The following C8orf34 variants were observed in gnomAD, a reference collection of about 807,000 sequenced individuals.
The protein encoded by C8orf34 is uncharacterized protein C8orf34.
C8orf34 carries 65 observed loss-of-function variants against 68.3 expected under a neutral mutation model. That is an observed-to-expected ratio of 0.95 (90% confidence interval 0.78 to 1.17). C8orf34 has a LOEUF of 1.17. Ranked by LOEUF, C8orf34 falls within the 50% of genes most tolerant of loss-of-function variation. The pLI is 0.00. For synonymous variants in C8orf34, 244 were observed against 241.2 expected, an observed-to-expected ratio of 1.01 and a Z score of -0.11; for missense variants, 664 against 655.4, an observed-to-expected ratio of 1.01 and a Z score of -0.14.
At chr8:68,785,217 AAAAT>A (rs1245964333) in intron 11 of C8orf34, among the ~76,000 whole-genome samples, 1 of 152,108 alleles carries the variant, frequency 6.6e-6, no homozygotes, top group Non-Finnish European at 1.5e-5. Flanking sequence ...AAAAAAAAAG[AAAAT>A]AAATAAATAA....
chr8:68,667,080 C>T (rs1198923908), intron 8 of C8orf34, among the ~76,000 whole-genome samples: 1 of 152,092 alleles, frequency 6.6e-6, no homozygotes, highest in Non-Finnish European at 1.5e-5. Flanking sequence ...GAAAAACCTT[C>T]TACAGCCAAA....
intron 1 of C8orf34, among the ~76,000 whole-genome samples, chr8:68,372,289 A>G (rs540470637): frequency 6.6e-6 from 1 of 152,306 alleles, no homozygotes; most frequent in South Asian, 2.1e-4. Flanking sequence ...AAAAACTGGG[A>G]TAACATGAGG....
chr8:68,715,390 T>C (rs573039422), intron 9 of C8orf34, among the ~76,000 whole-genome samples: 8 of 151,908 alleles, frequency 5.3e-5, no homozygotes, highest in Non-Finnish European at 1.2e-4. Flanking sequence ...ATGACTAATA[T>C]CCAGAATCTA....
chr8:68,490,786 A>G (rs1813278580), intron 5 of C8orf34, among the ~76,000 whole-genome samples: 1 of 152,138 alleles, frequency 6.6e-6, no homozygotes, highest in Non-Finnish European at 1.5e-5. Flanking sequence ...TTCCAGAGCC[A>G]TTGCCACCAT....
At chr8:68,445,447 T>C (rs1811080882) in intron 2 of C8orf34, among the ~76,000 whole-genome samples, 2 of 152,122 alleles carry the variant, frequency 1.3e-5, no homozygotes. Context: ...AGGAAAAAGA[T>C]TGTTCTGTAT....
At chr8:68,360,751 C>T (rs996580595) in intron 1 of C8orf34, among the ~76,000 whole-genome samples, 29 of 145,936 alleles carry the variant, frequency 2.0e-4, no homozygotes, top group African/African-American at 7.0e-4. Flanking sequence ...TCCTTTTCTT[C>T]CTTTCTTTTT....
intron 8 of C8orf34, among the ~76,000 whole-genome samples, chr8:68,702,424 A>C (rs569223760): frequency 6.6e-6 from 1 of 152,300 alleles, no homozygotes; most frequent in East Asian, 1.9e-4. Context: ...GCAAGACTGC[A>C]TCTGAATTTA....
chr8:68,428,416 G>A (rs942094893), intron 1 of C8orf34, among the ~76,000 whole-genome samples: 1 of 152,028 alleles, frequency 6.6e-6, no homozygotes, highest in Non-Finnish European at 1.5e-5. Flanking sequence ...TACAAGCCAT[G>A]CGTGATAACT....
At chr8:68,341,752 C>A (rs145538747) in intron 1 of C8orf34, among the ~76,000 whole-genome samples, 151 of 152,344 alleles carry the variant, frequency 9.9e-4, no homozygotes, top group Non-Finnish European at 1.0e-3. Flanking sequence ...ATGAGTAAAA[C>A]TCCCTGAGGC....
At chr8:68,468,349 G>A (rs1268793500) in intron 3 of C8orf34, among the ~76,000 whole-genome samples, 3 of 152,022 alleles carry the variant, frequency 2.0e-5, no homozygotes, top group Admixed American at 6.6e-5. Flanking sequence ...ACCAGTTGCT[G>A]TTGAGGGAGT....
In C8orf34 at chr8:68,684,805, T is replaced by A. The variant is rs187633573; in HGVS notation, c.1242-24189T>A. 6.2e-4 allele frequency among the ~76,000 whole-genome samples: 94 copies of A among 152,156 alleles called. 1 individual carries two copies. The highest frequency in any genetic ancestry group is 1.2e-3 in the East Asian group (6 of 5,170). On this transcript the variant is annotated intron_variant, in intron 8 of 13. Transcript: ENST00000518698. ...CTTATTAAAAAAAAAATATTTTTTT[T>A]AAAATTTCCCTTTTTGGTTTTATTT...
chr8:68,720,072 A>T (rs1821627002), intron 9 of C8orf34, among the ~76,000 whole-genome samples: 2 of 152,074 alleles, frequency 1.3e-5, no homozygotes, highest in East Asian at 3.9e-4. Context: ...CATTTGGTAT[A>T]ATTCTCCTGA....
intron 7 of C8orf34, among the ~76,000 whole-genome samples, chr8:68,567,882 A>G (rs1341857052): frequency 2.7e-5 from 4 of 150,758 alleles, no homozygotes; most frequent in African/African-American, 9.8e-5. Flanking sequence ...GGCTTTCTAC[A>G]TGCCTTCCTC....
intron 3 of C8orf34, among the ~76,000 whole-genome samples, chr8:68,464,328 T>C (rs1436368385): frequency 6.6e-6 from 1 of 152,188 alleles, no homozygotes; most frequent in Non-Finnish European, 1.5e-5. Flanking sequence ...GAATATTCCA[T>C]GCTCATGGGT....
At chr8:68,441,055 T>C (rs1024374566) in intron 2 of C8orf34, among the ~76,000 whole-genome samples, 4 of 152,102 alleles carry the variant, frequency 2.6e-5, no homozygotes, top group Admixed American at 6.5e-5. Context: ...CCGCCCTCCT[T>C]GGCCTCCCAA....
Position 68,331,389 on chromosome 8 carries a change from G to A in C8orf34, c.327+50G>A, listed in dbSNP as rs572174920. 1.3e-5 allele frequency: 20 copies of A among 1,509,728 alleles called. No individual in the cohort carries two copies. The Admixed American group carries it at 1.6e-4, about 12-fold the overall frequency. The allele number at this position is 1,509,728 out of a possible 1,614,324, so 93.5% of individuals were successfully genotyped here. A position where few individuals can be genotyped will look rare whatever the true frequency, so the allele number is the denominator to read the frequency against. The stretch of plus-strand genomic sequence containing the variant: ...TCCCGTTGTCTTTAGGGGAAGGGGT[G>A]CAGTAATGAAAACAGAACACTCCCA... On this transcript the variant is annotated intron_variant, in intron 1 of 13. Coordinates refer to ENST00000518698, the MANE Select transcript of C8orf34 (RefSeq NM_052958.4).
At chr8:68,605,717 A>T in intron 7 of C8orf34, among the ~76,000 whole-genome samples, 1 of 152,116 alleles carries the variant, frequency 6.6e-6, no homozygotes, top group South Asian at 2.1e-4. Context: ...CCAGGGCTTG[A>T]GGAGGGAGGA....
At chr8:68,786,226 A>C (rs966482967) in intron 11 of C8orf34, among the ~76,000 whole-genome samples, 2 of 152,164 alleles carry the variant, frequency 1.3e-5, no homozygotes, top group Non-Finnish European at 2.9e-5. Context: ...GTCGTGGCTC[A>C]ATAAATTTAA....
chr8:68,798,013 T>C (rs1162745629), intron 12 of C8orf34, among the ~76,000 whole-genome samples: 1 of 152,070 alleles, frequency 6.6e-6, no homozygotes. Flanking sequence ...TAAAAACACA[T>C]GAAGACAGCT....
Sources: gnomAD v4.1 joint callset for allele counts (sites outside exome capture counted in the v4.1 genomes callset) on GRCh38, gnomAD v4.1.1 for gene constraint, MANE v1.5 for transcripts, NCBI Gene and HGNC (gene_info 2026-07-23, HGNC 2026-07-21) for gene names.